Variants in TMEM236 observed in about 807,000 individuals in gnomAD.
The protein encoded by TMEM236 is family with sequence similarity 23, member A.
In TMEM236, 11 loss-of-function variants were observed where a neutral mutation model predicts 14.7. The observed-to-expected ratio is 0.75, with a 90% CI of 0.47 to 1.24. The LOEUF is 1.24. Among genes scored for constraint, TMEM236 ranks in the 50% most tolerant of loss-of-function variants. The probability of loss-of-function intolerance (pLI) is 0.00; values close to 1 mark genes in which losing one functional copy is unlikely to be tolerated. For synonymous variants in TMEM236, 182 were observed against 168.6 expected (o/e 1.08, Z -0.62); for missense variants, 464 against 427.3 (o/e 1.09, Z -0.76).
intron 1 of TMEM236, among the ~76,000 whole-genome samples, chr10:17,759,208 AAG>A (rs1181755789): frequency 6.6e-6 from 1 of 152,220 alleles, no homozygotes; most frequent in Non-Finnish European, 1.5e-5. Flanking sequence ...TCCAGGAAAT[AAG>A]AGAGTTATTT....
chr10:17,793,774 C>G (rs1357584859), intron 3 of TMEM236, among the ~76,000 whole-genome samples: 1 of 152,172 alleles, frequency 6.6e-6, no homozygotes, highest in Non-Finnish European at 1.5e-5. Context: ...TGAGCCATCA[C>G]GCCTGGCTCT....
intron 1 of TMEM236, among the ~76,000 whole-genome samples, chr10:17,762,616 TATACAC>T (rs1245593145): frequency 4.2e-4 from 23 of 54,198 alleles, no homozygotes; most frequent in African/African-American, 1.5e-3. Context: ...TATATATATA[TATACAC>T]ACATACATAT....
At chr10:17,780,796 A>G (rs1837734862) in intron 3 of TMEM236, among the ~76,000 whole-genome samples, 1 of 152,196 alleles carries the variant, frequency 6.6e-6, no homozygotes. Flanking sequence ...GACAAAAGAA[A>G]GAAAGGAGAG....
At chr10:17,772,828 T>G (rs963627139) in intron 2 of TMEM236, among the ~76,000 whole-genome samples, 1 of 152,312 alleles carries the variant, frequency 6.6e-6, no homozygotes, top group Admixed American at 6.5e-5. Context: ...TTTTTTATGC[T>G]CCTTTCAATG....
At chr10:17,769,876 G>A (rs1482783463) in intron 1 of TMEM236, among the ~76,000 whole-genome samples, 1 of 152,180 alleles carries the variant, frequency 6.6e-6, no homozygotes, top group African/African-American at 2.4e-5. Flanking sequence ...ACATGTGCAT[G>A]TTCGTTACAC....
chr10:17,791,291 TAAAA>T (rs561313552), intron 3 of TMEM236, among the ~76,000 whole-genome samples: 1 of 142,482 alleles, frequency 7.0e-6, no homozygotes, highest in Non-Finnish European at 1.5e-5. Flanking sequence ...CTATAAAAAG[TAAAA>T]AAAAAAAAAA....
chr10:17,759,982 CAAAAAA>C (rs35596189), intron 1 of TMEM236, among the ~76,000 whole-genome samples: 1 of 54,702 alleles, frequency 1.8e-5, no homozygotes, highest in Non-Finnish European at 3.3e-5. Context: ...GACTCCGTCT[CAAAAAA>C]AAAAAAAAAA....
At position 17,776,064 on chromosome 10, in the gene TMEM236, A is replaced by C; in HGVS notation, c.366A>C (p.Leu122Phe). 1 of 1,613,872 alleles carries C rather than the reference A, an allele frequency of 6.2e-7. No homozygotes were observed. The highest frequency in any genetic ancestry group is 8.5e-7 in the Non-Finnish European group (1 of 1,179,816). Residue 122 changes from leucine to phenylalanine, a missense_variant, in exon 3 of 4, where the codon TTA becomes TTC. Coordinates refer to ENST00000377495, the MANE Select transcript of TMEM236 (RefSeq NM_001098844.3). ...GCATTAATGGGTCCGCTGATGTCTT[A>C]CCTGATATGTTACCTGACCTGCCCG... ...QKSINGSADVLPDMLPDLPVS... is the reference protein window; with the variant it reads ...QKSINGSADVFPDMLPDLPVS...
At chr10:17,758,436 G>T (rs1007943085) in intron 1 of TMEM236, among the ~76,000 whole-genome samples, 7 of 152,148 alleles carry the variant, frequency 4.6e-5, no homozygotes, top group Non-Finnish European at 1.0e-4. Context: ...AGGAAAACTG[G>T]CCTGGATTCA....
intron 1 of TMEM236, among the ~76,000 whole-genome samples, chr10:17,754,711 C>T (rs547998791): frequency 6.6e-6 from 1 of 152,230 alleles, no homozygotes; most frequent in African/African-American, 2.4e-5. Context: ...AATAACAATA[C>T]AGAGATATTT....
At position 17,799,196 on chromosome 10, in the gene TMEM236, C is replaced by A. The variant is rs1211141518; in HGVS notation, c.*2692C>A. 6.2e-6 allele frequency: 1 copy of A among 160,392 alleles called. No homozygotes were observed. Among genetic ancestry groups the A allele is most frequent in the African/African-American group, 2.4e-5 (1 of 41,458 alleles). The allele number at this position is 160,392 out of a possible 1,614,324, so 9.9% of individuals were successfully genotyped here. Reference sequence around the variant, plus strand: ...ATTATGTGTTTACTTTTCTGAGTGTCCTATTAATCTTTATTCCTTAAAGGA... The same window carrying A: ...ATTATGTGTTTACTTTTCTGAGTGTACTATTAATCTTTATTCCTTAAAGGA... On this transcript the variant is annotated 3_prime_UTR_variant, in exon 4 of 4. Transcript: ENST00000377495.
In TMEM236 at chr10:17,781,995, GAGAT is replaced by G. The variant is rs1321781271; in HGVS notation, c.472+5832_472+5835del. 2.9e-3 allele frequency among the ~76,000 whole-genome samples: 446 copies of G among 152,168 alleles called. 4 individuals are homozygous for G. Among genetic ancestry groups the G allele is most frequent in the African/African-American group, 0.01 (425 of 41,514 alleles). On this transcript the variant is annotated intron_variant, in intron 3 of 3. Coordinates refer to ENST00000377495, the MANE Select transcript of TMEM236 (RefSeq NM_001098844.3). ...TCTAGGACACTACCATTTCTATGAA[GAGAT>G]AGATAGGTTGCCAACTCTCTCTCCA...
At chr10:17,795,813 AG>A in intron 3 of TMEM236, 107 bp from the exon 4 acceptor site, 4 of 1,143,986 alleles carry the variant, frequency 3.5e-6, no homozygotes, top group Non-Finnish European at 5.0e-6. Context: ...GAAAAACAAA[AG>A]AATATGGAGA....
intron 2 of TMEM236, among the ~76,000 whole-genome samples, chr10:17,775,096 C>A (rs1837638089): frequency 1.3e-5 from 2 of 152,142 alleles, no homozygotes; most frequent in Non-Finnish European, 2.9e-5. Flanking sequence ...CCACTGCAAC[C>A]AGCCTACACT....
chr10:17,799,337 C>G lies in TMEM236; in HGVS notation c.*2833C>G, dbSNP rs1311347886. ...TAATACAAGGCTCAGCGCAGTGCCTCAAGTGCCAACAGTTTCGGAGGCCTT... is the reference window on the plus strand; with the variant it reads ...TAATACAAGGCTCAGCGCAGTGCCTGAAGTGCCAACAGTTTCGGAGGCCTT... On this transcript the variant is annotated 3_prime_UTR_variant, in exon 4 of 4. Coordinates refer to ENST00000377495, the MANE Select transcript of TMEM236 (RefSeq NM_001098844.3). The G allele has an allele frequency of 6.6e-6, 1 of 152,406 alleles. No homozygotes were observed. Among genetic ancestry groups the G allele is most frequent in the African/African-American group, 2.4e-5 (1 of 41,436 alleles). The allele number at this position is 152,406 out of a possible 1,614,324, so 9.4% of individuals were successfully genotyped here.
intron 3 of TMEM236, among the ~76,000 whole-genome samples, chr10:17,793,438 GA>G (rs1837960037): frequency 6.6e-6 from 1 of 152,136 alleles, no homozygotes; most frequent in African/African-American, 2.4e-5. Flanking sequence ...TCTAGGACAT[GA>G]CATATTATAA....
At chr10:17,775,660 A>G (rs961767879) in intron 2 of TMEM236, among the ~76,000 whole-genome samples, 14 of 152,208 alleles carry the variant, frequency 9.2e-5, no homozygotes, top group African/African-American at 3.4e-4. Context: ...GTCTTCTTGG[A>G]AGACTCTAAA....
At chr10:17,790,766 T>TCTAA (rs1327809191) in intron 3 of TMEM236, among the ~76,000 whole-genome samples, 2 of 152,220 alleles carry the variant, frequency 1.3e-5, no homozygotes, top group Non-Finnish European at 2.9e-5. Flanking sequence ...TTTAGATTCC[T>TCTAA]CTAACCATTT....
intron 3 of TMEM236, among the ~76,000 whole-genome samples, chr10:17,778,268 A>G (rs890382792): frequency 6.6e-6 from 1 of 152,200 alleles, no homozygotes; most frequent in South Asian, 2.1e-4. Flanking sequence ...ATTCACACTT[A>G]AAAAAACTAG....
Sources: allele counts gnomAD v4.1 joint callset (sites outside exome capture counted in the v4.1 genomes callset), GRCh38; gene constraint gnomAD v4.1.1; transcripts MANE v1.5; gene names NCBI Gene and HGNC (gene_info 2026-07-23, HGNC 2026-07-21).